Variants in KCNIP1 observed in about 807,000 individuals in gnomAD.
KCNIP1 encodes the protein potassium voltage-gated channel interacting protein 1, also known as A-type potassium channel modulatory protein KCNIP1.
A neutral mutation model predicts 33.0 loss-of-function variants in KCNIP1; 18 were observed. The ratio of observed to expected loss-of-function variants is 0.55; its 90% CI spans 0.38 to 0.81. KCNIP1 has a LOEUF of 0.81. Among genes scored for constraint, KCNIP1 ranks in the 30% least tolerant of loss-of-function variants. The pLI is 0.00. For synonymous variants in KCNIP1, 93 were observed against 98.3 expected, an observed-to-expected ratio of 0.95 and a Z score of 0.32; for missense variants, 238 against 271.6, an observed-to-expected ratio of 0.88 and a Z score of 0.87.
intron 1 of KCNIP1, among the ~76,000 whole-genome samples, chr5:170,532,346 C>A (rs751860481): frequency 2.0e-5 from 3 of 152,194 alleles, no homozygotes; most frequent in African/African-American, 4.8e-5. Flanking sequence ...CATTTCCAGG[C>A]CAGGCAGTTT....
At chr5:170,586,760 A>G (rs914054427) in intron 1 of KCNIP1, among the ~76,000 whole-genome samples, 6 of 152,208 alleles carry the variant, frequency 3.9e-5, no homozygotes, top group Non-Finnish European at 7.3e-5. Flanking sequence ...TCCCCAACTT[A>G]CAGATCACCA....
At chr5:170,439,870 A>T (rs1755948965) in intron 1 of KCNIP1, among the ~76,000 whole-genome samples, 2 of 152,176 alleles carry the variant, frequency 1.3e-5, no homozygotes, top group Admixed American at 1.3e-4. Context: ...TAGATCCTGG[A>T]GGAGAGGCCC....
intron 1 of KCNIP1, among the ~76,000 whole-genome samples, chr5:170,573,152 A>G (rs1757479426): frequency 6.6e-6 from 1 of 152,218 alleles, no homozygotes; most frequent in South Asian, 2.1e-4. Context: ...CTGGCTGGGC[A>G]AGGAACAATT....
At chr5:170,383,206 G>A in intron 1 of KCNIP1, 1 of 265,232 alleles carries the variant, frequency 3.8e-6, no homozygotes. Flanking sequence ...CTCCAGCCCT[G>A]AGTCCCTGGT....
At chr5:170,716,572 A>T (rs1488941701) in intron 1 of KCNIP1, among the ~76,000 whole-genome samples, 2 of 152,246 alleles carry the variant, frequency 1.3e-5, no homozygotes, top group Non-Finnish European at 2.9e-5. Flanking sequence ...GTCAGTATCC[A>T]AATATGCAGA....
chr5:170,675,402 G>C (rs1005947847), intron 1 of KCNIP1, among the ~76,000 whole-genome samples: 1 of 152,066 alleles, frequency 6.6e-6, no homozygotes, highest in Non-Finnish European at 1.5e-5. Context: ...GGCGGATCAC[G>C]AGGTCAGGAG....
chr5:170,382,437 C>G (rs930628014), intron 1 of KCNIP1, among the ~76,000 whole-genome samples: 3 of 152,158 alleles, frequency 2.0e-5, no homozygotes, highest in African/African-American at 7.2e-5. Flanking sequence ...TCAAAGGCCT[C>G]TGGGAACAGA....
chr5:170,610,738 G>A (rs1759114947), intron 1 of KCNIP1, among the ~76,000 whole-genome samples: 1 of 152,164 alleles, frequency 6.6e-6, no homozygotes, highest in Admixed American at 6.5e-5. Flanking sequence ...TGCTTAGTAT[G>A]GTGCTTAGTA....
intron 1 of KCNIP1, among the ~76,000 whole-genome samples, chr5:170,655,189 A>AT (rs1761210135): frequency 6.6e-6 from 1 of 152,124 alleles, no homozygotes; most frequent in Non-Finnish European, 1.5e-5. Flanking sequence ...CAAAACTAAT[A>AT]TTTTTCCCAA....
At chr5:170,454,977 C>T (rs942015040) in intron 1 of KCNIP1, among the ~76,000 whole-genome samples, 5 of 152,034 alleles carry the variant, frequency 3.3e-5, no homozygotes, top group Admixed American at 6.6e-5. Context: ...TAGAAAGGGA[C>T]ATTTTATAAT....
intron 1 of KCNIP1, among the ~76,000 whole-genome samples, chr5:170,412,363 G>T (rs1755217958): frequency 6.6e-6 from 1 of 152,176 alleles, no homozygotes; most frequent in South Asian, 2.1e-4. Context: ...AGTCCAACAT[G>T]TTAGCTTTTT....
intron 1 of KCNIP1, among the ~76,000 whole-genome samples, chr5:170,523,373 T>C (rs1755442384): frequency 6.6e-6 from 1 of 152,154 alleles, no homozygotes; most frequent in Non-Finnish European, 1.5e-5. Context: ...GCATAATTAT[T>C]GCATGGATAA....
At chr5:170,627,093 A>G (rs1027832192) in intron 1 of KCNIP1, among the ~76,000 whole-genome samples, 36 of 152,074 alleles carry the variant, frequency 2.4e-4, no homozygotes, top group Non-Finnish European at 5.0e-4. Context: ...CGTGGCTCTG[A>G]CGATGCATCC....
At position 170,504,089 on chromosome 5, in the gene KCNIP1, G is replaced by A; in HGVS notation, c.-484G>A. 3 of 985,858 alleles carry A rather than the reference G, an allele frequency of 3.0e-6. No individual in the cohort carries two copies. The highest frequency in any genetic ancestry group is 1.1e-4 in the East Asian group (1 of 8,794). 61.1% of individuals were successfully genotyped at this position (985,858 alleles called of 1,614,324 possible). A position where few individuals can be genotyped will look rare whatever the true frequency, so the allele number is the denominator to read the frequency against. ...GGCGCGCTGTGGCTCCGCGCCGCGC[G>A]GTCCGGGCTCTGTTCATTCATGATT... is the stretch of plus-strand genomic sequence containing the variant. On this transcript the variant is annotated 5_prime_UTR_variant, in exon 1 of 8. Transcript: ENST00000328939. This position sits in a 1 kb window ranked among gnomAD's most constrained non-coding sequence, Gnocchi z 6.0.
intron 1 of KCNIP1, among the ~76,000 whole-genome samples, chr5:170,609,077 G>A (rs369755344): frequency 3.3e-5 from 5 of 152,078 alleles, no homozygotes; most frequent in East Asian, 1.9e-4. Flanking sequence ...TCAGAATCAC[G>A]TGCTCTGGGC....
intron 1 of KCNIP1, among the ~76,000 whole-genome samples, chr5:170,676,719 T>G (rs1014846278): frequency 6.6e-6 from 1 of 152,174 alleles, no homozygotes; most frequent in Non-Finnish European, 1.5e-5. Context: ...ACATGTGTTT[T>G]CAGATAACTA....
chr5:170,712,702 C>T, intron 1 of KCNIP1: 1 of 773,428 alleles, frequency 1.3e-6, no homozygotes, highest in East Asian at 2.6e-5. Flanking sequence ...GGACAGGGAG[C>T]TCAGCTCCAG....
rs576875263 is a variant in KCNIP1 at position 170,631,506 on chromosome 5, G to A, written c.62-87252G>A. 2.6e-5 allele frequency among the ~76,000 whole-genome samples: 4 copies of A among 152,238 alleles called. No homozygotes were observed. The South Asian group carries it at 8.3e-4, about 32-fold the overall frequency. ...GCTCCAGACCCAAGCAGGAGAGCAG[G>A]AGGCAAAAGAAACGCAGGGGCTTTC... is the stretch of plus-strand genomic sequence containing the variant. On this transcript the variant is annotated intron_variant, in intron 1 of 7. Transcript: ENST00000328939.
In KCNIP1 at chr5:170,575,076, G is replaced by GA. The variant is rs537837408; in HGVS notation, c.61+70453dup. 1.5e-3 allele frequency among the ~76,000 whole-genome samples: 216 copies of GA among 148,512 alleles called. 3 individuals are homozygous for GA. The highest frequency in any genetic ancestry group is 8.3e-3 in the South Asian group (39 of 4,672). On this transcript the variant is annotated intron_variant, in intron 1 of 7. Coordinates refer to ENST00000328939, the MANE Select transcript of KCNIP1 (RefSeq NM_014592.4). ...AGTAGAGGCAGGGTGAAATAGAATG[G>GA]AAAAAAAAAATGTGAACCCACACTG... is the stretch of plus-strand genomic sequence containing the variant.
Sources: allele counts gnomAD v4.1 joint callset (sites outside exome capture counted in the v4.1 genomes callset), GRCh38; gene constraint gnomAD v4.1.1; non-coding constraint Gnocchi (gnomAD v3.1); transcripts MANE v1.5; gene names NCBI Gene and HGNC (gene_info 2026-07-23, HGNC 2026-07-21).